GABRA2: variants seen among roughly 807,000 people sequenced by gnomAD.
The protein encoded by GABRA2 is gamma-aminobutyric acid receptor subunit alpha-2.
GABRA2 carries 16 observed loss-of-function variants against 48.7 expected under a neutral mutation model. That is an observed-to-expected ratio of 0.33 (90% CI 0.22 to 0.50). The LOEUF is 0.50. Among genes scored for constraint, GABRA2 ranks in the 20% least tolerant of loss-of-function variants. The pLI is 0.98. For missense variants in GABRA2, 275 were observed against 535.6 expected, an observed-to-expected ratio of 0.51 and a Z score of 4.80; for synonymous variants, 185 against 184.5, an observed-to-expected ratio of 1.00 and a Z score of -0.02.
intron 8 of GABRA2, among the ~76,000 whole-genome samples, chr4:46,271,764 A>G (rs1719381635): frequency 6.6e-6 from 1 of 151,890 alleles, no homozygotes; most frequent in Non-Finnish European, 1.5e-5. Flanking sequence ...TCACGGATTT[A>G]ATTTATCCAA....
chr4:46,378,551 A>G (rs1243525914), intron 3 of GABRA2, among the ~76,000 whole-genome samples: 2 of 151,688 alleles, frequency 1.3e-5, no homozygotes, highest in African/African-American at 2.4e-5. Flanking sequence ...TGCCTAGGAA[A>G]ACCAGAGACC....
rs1714023299 is a variant in GABRA2, at chr4:46,247,948, A to G, written c.*2360T>C. Among the ~76,000 whole-genome samples the G allele has an allele frequency of 1.3e-5, 2 of 151,406 alleles. No individual in the cohort carries two copies. The highest frequency in any genetic ancestry group is 4.8e-5 in the African/African-American group (2 of 41,470). ...GCACTGAAAAATCTGAACTGCCAGAATGTCATTGCACTCAAATAAAATTTT... is the reference window on the plus strand; with the variant it reads ...GCACTGAAAAATCTGAACTGCCAGAGTGTCATTGCACTCAAATAAAATTTT... On this transcript the variant is annotated 3_prime_UTR_variant, in exon 10 of 10. Transcript: ENST00000381620.
At chr4:46,299,523 G>C (rs1182302657) in intron 8 of GABRA2, among the ~76,000 whole-genome samples, 1 of 151,506 alleles carries the variant, frequency 6.6e-6, no homozygotes, top group Non-Finnish European at 1.5e-5. Context: ...AAGCAAACTT[G>C]TTCCTCCAAT....
intron 3 of GABRA2, among the ~76,000 whole-genome samples, chr4:46,346,278 C>T (rs1734125474): frequency 6.6e-6 from 1 of 151,832 alleles, no homozygotes; most frequent in Non-Finnish European, 1.5e-5. Context: ...ACGCTTGCCT[C>T]TTACCTAGTA....
At chr4:46,313,426 GT>G (rs938264194) in intron 4 of GABRA2, among the ~76,000 whole-genome samples, 6 of 152,078 alleles carry the variant, frequency 3.9e-5, no homozygotes, top group South Asian at 2.1e-4. Context: ...CACCTTACAA[GT>G]TTTTAGAATA....
intron 4 of GABRA2, among the ~76,000 whole-genome samples, chr4:46,322,754 G>A (rs1220101963): frequency 6.6e-6 from 1 of 151,974 alleles, no homozygotes; most frequent in East Asian, 1.9e-4. Flanking sequence ...ATTTAATGTA[G>A]TATGAAGGAT....
At chr4:46,275,259 T>G (rs1720261266) in intron 8 of GABRA2, among the ~76,000 whole-genome samples, 1 of 152,166 alleles carries the variant, frequency 6.6e-6, no homozygotes, top group South Asian at 2.1e-4. Context: ...TTGATAGTGA[T>G]GTTATAAAAT....
intron 3 of GABRA2, among the ~76,000 whole-genome samples, chr4:46,344,755 G>A (rs1733863066): frequency 6.6e-6 from 1 of 151,870 alleles, no homozygotes; most frequent in Non-Finnish European, 1.5e-5. Flanking sequence ...AATGAGTAAG[G>A]AGCGTATTTA....
intron 3 of GABRA2, among the ~76,000 whole-genome samples, chr4:46,384,804 A>G (rs1247126359): frequency 6.6e-6 from 1 of 152,114 alleles, no homozygotes; most frequent in African/African-American, 2.4e-5. Flanking sequence ...CGTGCTTGTT[A>G]GGCATATTAA....
intron 9 of GABRA2, among the ~76,000 whole-genome samples, chr4:46,253,068 T>G (rs1340875850): frequency 1.3e-5 from 2 of 151,488 alleles, no homozygotes; most frequent in Non-Finnish European, 1.5e-5. Flanking sequence ...AATATTTTGT[T>G]GAAGAACTCA....
intron 9 of GABRA2, among the ~76,000 whole-genome samples, chr4:46,257,936 T>C (rs891620695): frequency 1.3e-5 from 2 of 151,900 alleles, no homozygotes; most frequent in African/African-American, 4.8e-5. Context: ...CAATTAGTGA[T>C]GAATAACTAG....
intron 4 of GABRA2, among the ~76,000 whole-genome samples, chr4:46,318,652 T>C (rs1037596796): frequency 2.6e-5 from 4 of 151,712 alleles, no homozygotes; most frequent in Non-Finnish European, 5.9e-5. Flanking sequence ...AAAAACGGTC[T>C]AACTCCTTCA....
intron 8 of GABRA2, among the ~76,000 whole-genome samples, chr4:46,267,777 C>T (rs1299418520): frequency 6.6e-6 from 1 of 151,894 alleles, no homozygotes; most frequent in Non-Finnish European, 1.5e-5. Flanking sequence ...TTTTATTCTT[C>T]CTACTTTTGT....
intron 4 of GABRA2, among the ~76,000 whole-genome samples, chr4:46,318,456 A>G (rs1442657830): frequency 6.6e-6 from 1 of 151,652 alleles, no homozygotes; most frequent in Admixed American, 6.6e-5. Context: ...ATAGCCACTA[A>G]GTACAAGATT....
chr4:46,388,897 A>T, intron 1 of GABRA2, 181 bp from the exon 2 acceptor site: 1 of 865,882 alleles, frequency 1.2e-6, no homozygotes, highest in Non-Finnish European at 1.6e-6. Context: ...ATGGACCCCC[A>T]CCCCCACCCT....
chr4:46,362,636 TA>T (rs1208373642), intron 3 of GABRA2, among the ~76,000 whole-genome samples: 1 of 152,214 alleles, frequency 6.6e-6, no homozygotes, highest in Non-Finnish European at 1.5e-5. Flanking sequence ...CAAAAATATT[TA>T]AATGAAATGG....
intron 8 of GABRA2, among the ~76,000 whole-genome samples, chr4:46,262,921 G>A (rs375346257): frequency 4.7e-5 from 6 of 129,012 alleles, no homozygotes; most frequent in African/African-American, 1.9e-4. Context: ...GAAAGAAAGA[G>A]AGAGAGAAAG....
At chr4:46,290,477 C>G (rs912067904) in intron 8 of GABRA2, among the ~76,000 whole-genome samples, 1 of 152,056 alleles carries the variant, frequency 6.6e-6, no homozygotes, top group South Asian at 2.1e-4. Flanking sequence ...GTGGACAAGT[C>G]TTTCACCTTT....
Position 46,249,845 on chromosome 4 carries a change from G to A in GABRA2, c.*463C>T, listed in dbSNP as rs1714380117. Reference sequence around the variant, plus strand: ...TTCCAATTACATTAGCAGGGACTCTGAGCACTCATGAACAGAGCTGATGTC... The same window carrying A: ...TTCCAATTACATTAGCAGGGACTCTAAGCACTCATGAACAGAGCTGATGTC... On this transcript the variant is annotated 3_prime_UTR_variant, in exon 10 of 10. Coordinates refer to ENST00000381620, the MANE Select transcript of GABRA2 (RefSeq NM_000807.4). 1 of 155,698 alleles carries A rather than the reference G, an allele frequency of 6.4e-6. No individual in the cohort carries two copies. The highest frequency in any genetic ancestry group is 2.4e-5 in the African/African-American group (1 of 41,354). The allele number at this position is 155,698 out of a possible 1,614,324, so 9.6% of individuals were successfully genotyped here.
Sources: gnomAD v4.1 joint callset for allele counts (sites outside exome capture counted in the v4.1 genomes callset) on GRCh38, gnomAD v4.1.1 for gene constraint, MANE v1.5 for transcripts, NCBI Gene and HGNC (gene_info 2026-07-23, HGNC 2026-07-21) for gene names.